Variants in PCDHA6 observed in about 807,000 individuals in gnomAD.
The protein encoded by PCDHA6 is protocadherin alpha-6.
Under a neutral mutation model 60.3 loss-of-function variants are expected in PCDHA6, and 55 were observed. That is an observed-to-expected ratio of 0.91 (90% CI 0.73 to 1.14). The LOEUF is 1.14. Among genes scored for constraint, PCDHA6 ranks in the 50% most tolerant of loss-of-function variants. The pLI is 0.00. For synonymous variants in PCDHA6, 652 were observed against 557.9 expected (o/e 1.17, Z -2.38); for missense variants, 1,327 against 1,256.5 (o/e 1.06, Z -0.85).
At chr5:140,865,190 C>T (rs976709711) in intron 1 of PCDHA6, 3 of 152,106 alleles carry the variant, frequency 2.0e-5, no homozygotes, top group Admixed American at 1.3e-4. Flanking sequence ...TGCCTTCACA[C>T]CATATTAATG....
At chr5:140,914,451 C>A (rs879984519) in intron 1 of PCDHA6, among the ~76,000 whole-genome samples, 1 of 152,094 alleles carries the variant, frequency 6.6e-6, no homozygotes, top group Non-Finnish European at 1.5e-5. Context: ...TCTTTATTTT[C>A]CAGTCTATGT....
chr5:140,887,052 G>A (rs1187906559), intron 1 of PCDHA6, among the ~76,000 whole-genome samples: 1 of 151,228 alleles, frequency 6.6e-6, no homozygotes, highest in Non-Finnish European at 1.5e-5. Flanking sequence ...TAGTGCATAT[G>A]TTCTGGCAAC....
chr5:140,849,915 A>G (rs1554143492), intron 1 of PCDHA6: 3 of 1,598,260 alleles, frequency 1.9e-6, no homozygotes, highest in Non-Finnish European at 2.6e-6. Flanking sequence ...GGGCTGCCAC[A>G]TCTTCACGGT....
intron 1 of PCDHA6, among the ~76,000 whole-genome samples, chr5:140,916,789 C>T (rs146305877): frequency 2.8e-4 from 42 of 152,168 alleles, no homozygotes; most frequent in Non-Finnish European, 4.7e-4. Context: ...TTAGCTGCCC[C>T]AGCTGATGAC....
chr5:140,933,539 G>A (rs1173969458), intron 1 of PCDHA6, among the ~76,000 whole-genome samples: 1 of 152,018 alleles, frequency 6.6e-6, no homozygotes, highest in Non-Finnish European at 1.5e-5. Flanking sequence ...TCAAAATAAT[G>A]TTAATATAAA....
At chr5:140,858,289 T>A in intron 1 of PCDHA6, 2 of 1,597,184 alleles carry the variant, frequency 1.3e-6, no homozygotes, top group East Asian at 4.5e-5. Context: ...GGAGCTGGTC[T>A]TACTCGCAGC....
chr5:140,928,570 C>A (rs2085340367), intron 1 of PCDHA6: 1 of 1,614,196 alleles, frequency 6.2e-7, no homozygotes, highest in South Asian at 1.1e-5. Flanking sequence ...GTTTCCCTTG[C>A]CCAGAAATGG....
chr5:140,838,002 T>A (rs183534156), intron 1 of PCDHA6, among the ~76,000 whole-genome samples: 97 of 151,706 alleles, frequency 6.4e-4, no homozygotes, highest in South Asian at 2.7e-3. Context: ...TCCTTTTTTT[T>A]AAAAAAAGAA....
chr5:140,923,573 A>C (rs1180737452), intron 1 of PCDHA6, among the ~76,000 whole-genome samples: 2 of 152,214 alleles, frequency 1.3e-5, no homozygotes, highest in African/African-American at 4.8e-5. Flanking sequence ...GGTCCTGCTA[A>C]AGAGAAGGTT....
chr5:140,849,974 G>A lies in PCDHA6; in HGVS notation c.2394+19489G>A, dbSNP rs190398483. The stretch of plus-strand genomic sequence containing the variant: ...AGGAGAACGCCCTGGTGTCCTACTC[G>A]CTGGTGGAGCGGCGGTTGGGCGAGC... On this transcript the variant is annotated intron_variant, in intron 1 of 3. Transcript: ENST00000529310. The A allele has an allele frequency of 6.3e-5, 100 of 1,597,670 alleles. 8 individuals carry two copies. Among genetic ancestry groups the A allele is most frequent in the Non-Finnish European group, 7.6e-5 (89 of 1,167,890 alleles).
intron 3 of PCDHA6, among the ~76,000 whole-genome samples, chr5:140,984,867 TA>T (rs1251384308): frequency 6.6e-6 from 1 of 152,180 alleles, no homozygotes; most frequent in Non-Finnish European, 1.5e-5. Context: ...ACACCTATTT[TA>T]TTGAGTTACC....
At position 140,842,945 on chromosome 5, in the gene PCDHA6, G is replaced by T. The variant is rs2150348444; in HGVS notation, c.2394+12460G>T. The T allele has an allele frequency of 7.5e-6, 12 of 1,594,542 alleles. 1 individual carries two copies. In the East Asian group the frequency reaches 1.8e-4, roughly 24 times the overall value. On this transcript the variant is annotated intron_variant, in intron 1 of 3. Transcript: ENST00000529310. ...CCAGGTGAGCGCGCGCGACGCGGGC[G>T]TGCCGCCTCTGGGCAGCAACGTGAC...
Position 140,958,669 on chromosome 5 carries a change from A to G in PCDHA6, c.2395-20280A>G, listed in dbSNP as rs570899981. On this transcript the variant is annotated intron_variant, in intron 1 of 3. Coordinates refer to ENST00000529310, the MANE Select transcript of PCDHA6 (RefSeq NM_018909.4). ...CACAGAAAGCTATGATGAAATTTTA[A>G]TTATAAAGGATATTGAATATCCTAG... Among the ~76,000 whole-genome samples, 3 of 152,316 alleles carry G rather than the reference A, an allele frequency of 2.0e-5. No individual in the cohort carries two copies. In the East Asian group the frequency reaches 5.8e-4, roughly 29 times the overall value.
Position 140,863,355 on chromosome 5 carries a change from G to A in PCDHA6, c.2394+32870G>A, listed in dbSNP as rs541699808. ...TCACGTTGCTGCTGTACACGACGCT[G>A]CGGTGCTTGGCGCAGCTCACCGAGA... On this transcript the variant is annotated intron_variant, in intron 1 of 3. Coordinates refer to ENST00000529310, the MANE Select transcript of PCDHA6 (RefSeq NM_018909.4). 8 of 1,264,220 alleles carry A rather than the reference G, an allele frequency of 6.3e-6. No homozygotes were observed. In the Admixed American group the frequency reaches 1.3e-4, roughly 20 times the overall value. 78.3% of individuals were successfully genotyped at this position (1,264,220 alleles called of 1,614,324 possible).
At position 140,853,566 on chromosome 5, in the gene PCDHA6, G is replaced by A; in HGVS notation, c.2394+23081G>A. 2.0e-6 allele frequency: 2 copies of A among 981,338 alleles called. 1 individual carries two copies. The highest frequency in any genetic ancestry group is 2.5e-6 in the Non-Finnish European group (2 of 813,850). 60.8% of individuals were successfully genotyped at this position (981,338 alleles called of 1,614,324 possible). A position where few individuals can be genotyped will look rare whatever the true frequency, so the allele number is the denominator to read the frequency against. ...GTAATTACTATATAGGAAAAACTAA[G>A]TTGTCACCCAATATCTTAGACACTT... On this transcript the variant is annotated intron_variant, in intron 1 of 3. Transcript: ENST00000529310.
intron 1 of PCDHA6, among the ~76,000 whole-genome samples, chr5:140,944,014 C>A (rs1205860914): frequency 1.3e-5 from 2 of 152,022 alleles, no homozygotes; most frequent in African/African-American, 2.4e-5. Context: ...CCCCCAAAAG[C>A]AATTATCTTC....
intron 1 of PCDHA6, chr5:140,969,349 G>A (rs782345683): frequency 3.1e-5 from 50 of 1,612,958 alleles, no homozygotes; most frequent in Non-Finnish European, 4.2e-5. Context: ...AGTGGTCAGG[G>A]GGTCTTCTAC....
chr5:140,960,849 A>G (rs1347970743), intron 1 of PCDHA6, among the ~76,000 whole-genome samples: 10 of 152,220 alleles, frequency 6.6e-5, no homozygotes, highest in African/African-American at 2.2e-4. Context: ...TTTAATGGCA[A>G]CTATAAGCCA....
chr5:140,835,696 C>T (rs2150242204), intron 1 of PCDHA6: 2 of 1,613,914 alleles, frequency 1.2e-6, no homozygotes, highest in South Asian at 2.2e-5. Context: ...CTGTGGGCCA[C>T]TGCTAGCGTG....
Sources: allele counts gnomAD v4.1 joint callset (sites outside exome capture counted in the v4.1 genomes callset), GRCh38; gene constraint gnomAD v4.1.1; transcripts MANE v1.5; gene names NCBI Gene and HGNC (gene_info 2026-07-23, HGNC 2026-07-21).